GABRB2: variants seen among roughly 807,000 people sequenced by gnomAD.
GABRB2 encodes the protein gamma-aminobutyric acid type A receptor subunit beta2.
GABRB2 carries 16 observed loss-of-function variants against 54.7 expected under a neutral mutation model. That is an observed-to-expected ratio of 0.29 (90% CI 0.20 to 0.44). The LOEUF (loss-of-function observed/expected upper bound fraction) is 0.44. GABRB2 is among the 20% of genes least tolerant of loss of function. The probability of loss-of-function intolerance (pLI) is 1.00; values close to 1 mark genes in which losing one functional copy is unlikely to be tolerated. For missense variants in GABRB2, 355 were observed against 644.0 expected (o/e 0.55, Z 4.86); for synonymous variants, 244 against 233.8 (o/e 1.04, Z -0.40).
intron 9 of GABRB2, among the ~76,000 whole-genome samples, chr5:161,319,484 AC>A (rs1183592484): frequency 6.7e-6 from 1 of 149,950 alleles, no homozygotes; most frequent in Admixed American, 6.6e-5. Flanking sequence ...GGAAAATGTT[AC>A]CCTTATAATT....
At chr5:161,374,436 T>G (rs922051591) in intron 5 of GABRB2, among the ~76,000 whole-genome samples, 5 of 152,176 alleles carry the variant, frequency 3.3e-5, no homozygotes, top group African/African-American at 1.2e-4. Flanking sequence ...AACTCCTCAG[T>G]TCTCTCAAGC....
At position 161,424,997 on chromosome 5, in the gene GABRB2, G is replaced by C. The variant is rs573728665; in HGVS notation, c.459-13940C>G. ...AGTCACTACAGATATAGTAGAAATA[G>C]TAAGAGAGCTAGTATTAGAAGTGGA... On this transcript the variant is annotated intron_variant, in intron 4 of 9. Transcript: ENST00000393959. 1.3e-4 allele frequency among the ~76,000 whole-genome samples: 20 copies of C among 152,240 alleles called. No homozygotes were observed. In the South Asian group the frequency reaches 4.1e-3, roughly 32 times the overall value.
intron 4 of GABRB2, among the ~76,000 whole-genome samples, chr5:161,440,246 T>C (rs907974796): frequency 6.6e-6 from 1 of 152,052 alleles, no homozygotes; most frequent in African/African-American, 2.4e-5. Flanking sequence ...TATTTATCAA[T>C]AATGACATGA....
At chr5:161,354,695 G>T (rs1754565569) in intron 5 of GABRB2, among the ~76,000 whole-genome samples, 1 of 151,972 alleles carries the variant, frequency 6.6e-6, no homozygotes, top group Non-Finnish European at 1.5e-5. Flanking sequence ...ATGGCACCTT[G>T]CTCAAAATCT....
intron 5 of GABRB2, among the ~76,000 whole-genome samples, chr5:161,389,771 T>A (rs916663374): frequency 6.6e-6 from 1 of 151,924 alleles, no homozygotes; most frequent in Non-Finnish European, 1.5e-5. Context: ...CTAGGATACA[T>A]CTCAAAGGTA....
At chr5:161,357,328 G>A (rs1243900974) in intron 5 of GABRB2, among the ~76,000 whole-genome samples, 1 of 152,126 alleles carries the variant, frequency 6.6e-6, no homozygotes, top group Non-Finnish European at 1.5e-5. Context: ...AAGGACCAAA[G>A]CCAGGAACAT....
intron 4 of GABRB2, among the ~76,000 whole-genome samples, chr5:161,428,826 A>G (rs1561646674): frequency 6.6e-6 from 1 of 152,130 alleles, no homozygotes; most frequent in Non-Finnish European, 1.5e-5. Flanking sequence ...AACCTTGGAT[A>G]CATTATTTAA....
At chr5:161,510,190 A>C (rs1017205603) in intron 3 of GABRB2, among the ~76,000 whole-genome samples, 3 of 151,688 alleles carry the variant, frequency 2.0e-5, no homozygotes, top group Non-Finnish European at 4.4e-5. Flanking sequence ...ATAGTTACTC[A>C]TTGTGCTATC....
upstream of GABRB2, among the ~76,000 whole-genome samples, chr5:161,548,404 T>C (rs1433223158): frequency 6.6e-6 from 1 of 152,162 alleles, no homozygotes; most frequent in Non-Finnish European, 1.5e-5. Context: ...ATCTTGGAAC[T>C]GGGGAAGAGG....
At chr5:161,389,166 A>G (rs1432766512) in intron 5 of GABRB2, among the ~76,000 whole-genome samples, 1 of 152,010 alleles carries the variant, frequency 6.6e-6, no homozygotes, top group Non-Finnish European at 1.5e-5. Flanking sequence ...TCTTATAGCA[A>G]CAGAGAGTGG....
At chr5:161,379,379 T>A (rs1755400381) in intron 5 of GABRB2, among the ~76,000 whole-genome samples, 1 of 152,108 alleles carries the variant, frequency 6.6e-6, no homozygotes, top group Admixed American at 6.6e-5. Flanking sequence ...TGTGTGTGAG[T>A]GTATGTGTGT....
intron 5 of GABRB2, among the ~76,000 whole-genome samples, chr5:161,390,314 T>C (rs1379555649): frequency 6.6e-6 from 1 of 152,044 alleles, no homozygotes; most frequent in Admixed American, 6.6e-5. Flanking sequence ...TGAAATTGAA[T>C]GACATTCTAA....
chr5:161,371,384 A>C (rs780784340), intron 5 of GABRB2, among the ~76,000 whole-genome samples: 12 of 152,204 alleles, frequency 7.9e-5, no homozygotes, highest in Non-Finnish European at 1.3e-4. Context: ...CCATTTCTAA[A>C]ATATGTATCT....
chr5:161,483,952 AT>A (rs1315928629), intron 3 of GABRB2, among the ~76,000 whole-genome samples: 1 of 151,830 alleles, frequency 6.6e-6, no homozygotes, highest in Non-Finnish European at 1.5e-5. Context: ...ATTGCAATAA[AT>A]ATGCTTCCTT....
At chr5:161,314,349 G>A (rs1757962538) in intron 9 of GABRB2, among the ~76,000 whole-genome samples, 1 of 152,184 alleles carries the variant, frequency 6.6e-6, no homozygotes, top group South Asian at 2.1e-4. Context: ...ATTTTCTGCA[G>A]TAGAAGCTAG....
intron 3 of GABRB2, among the ~76,000 whole-genome samples, chr5:161,461,614 G>T (rs1758120450): frequency 6.6e-6 from 1 of 152,010 alleles, no homozygotes; most frequent in African/African-American, 2.4e-5. Flanking sequence ...GAAGCCTATG[G>T]GTACAATGTA....
At chr5:161,516,628 GT>G (rs2113418717) in intron 3 of GABRB2, among the ~76,000 whole-genome samples, 1 of 151,398 alleles carries the variant, frequency 6.6e-6, no homozygotes, top group South Asian at 2.1e-4. Flanking sequence ...TTGCTGTAGG[GT>G]TTGCAAATAA....
At chr5:161,498,121 G>A (rs1056672672) in intron 3 of GABRB2, among the ~76,000 whole-genome samples, 3 of 151,992 alleles carry the variant, frequency 2.0e-5, no homozygotes, top group African/African-American at 7.2e-5. Context: ...AAATTTAGAA[G>A]GCTTTCCATG....
In GABRB2 at chr5:161,545,268, T is replaced by C. The variant is rs2113486744; in HGVS notation, c.196A>G (p.Ile66Val). Residue 66 changes from isoleucine (I) to valine (V), a missense_variant, in exon 3 of 10, where the codon ATT becomes GTT. Coordinates refer to ENST00000393959, the MANE Select transcript of GABRB2 (RefSeq NM_001371727.1). ...ACCATATCGATGCTGGCAATGTCAATGTTCATCCCCACAGCCACGGGGGGA... is the reference window on the plus strand; with the variant it reads ...ACCATATCGATGCTGGCAATGTCAACGTTCATCCCCACAGCCACGGGGGGA... ...GGPPVAVGMN[I>V]DIASIDMVSE... is the part of the protein sequence containing the mutation. 6.2e-7 allele frequency: 1 copy of C among 1,608,628 alleles called. No homozygotes were observed. The highest frequency in any genetic ancestry group is 1.3e-5 in the African/African-American group (1 of 74,580).
Sources: allele counts gnomAD v4.1 joint callset (sites outside exome capture counted in the v4.1 genomes callset), GRCh38; gene constraint gnomAD v4.1.1; transcripts MANE v1.5; gene names NCBI Gene and HGNC (gene_info 2026-07-23, HGNC 2026-07-21).